RARB: variants seen among roughly 807,000 people sequenced by gnomAD.
RARB encodes retinoic acid receptor beta.
In RARB, 17 loss-of-function variants were observed where a neutral mutation model predicts 51.9. The observed-to-expected ratio is 0.33, with a 90% CI of 0.22 to 0.49. RARB has a LOEUF of 0.49. Ranked by LOEUF, RARB falls within the 20% of genes least tolerant of loss-of-function variation. The probability of loss-of-function intolerance (pLI) is 0.99; values close to 1 mark genes in which losing one functional copy is unlikely to be tolerated. For synonymous variants in RARB, 215 were observed against 195.4 expected, an observed-to-expected ratio of 1.10 and a Z score of -0.84; for missense variants, 369 against 550.8, an observed-to-expected ratio of 0.67 and a Z score of 3.30.
chr3:25,130,536 C>G (rs544470848), intron 3 of RARB, among the ~76,000 whole-genome samples: 2 of 151,740 alleles, frequency 1.3e-5, no homozygotes, highest in Non-Finnish European at 2.9e-5. Flanking sequence ...TATTTACTCT[C>G]TTTCCTTCCT....
chr3:25,510,261 G>A (rs564975263), intron 3 of RARB, among the ~76,000 whole-genome samples: 1 of 152,294 alleles, frequency 6.6e-6, no homozygotes, highest in South Asian at 2.1e-4. Context: ...AAACAATGAA[G>A]TTCTTGCACA....
chr3:24,853,889 G>A (rs1702597527), intron 1 of RARB, among the ~76,000 whole-genome samples: 1 of 152,182 alleles, frequency 6.6e-6, no homozygotes, highest in Admixed American at 6.5e-5. Context: ...ATCTTAAAGT[G>A]GACAGCTGCC....
At chr3:25,180,715 T>A (rs1393755151) in intron 5 of RARB, among the ~76,000 whole-genome samples, 1 of 152,126 alleles carries the variant, frequency 6.6e-6, no homozygotes. Context: ...CCCTCTGACA[T>A]TTGAATGAAT....
At chr3:25,066,768 T>C (rs1383839537) in intron 3 of RARB, among the ~76,000 whole-genome samples, 4 of 151,780 alleles carry the variant, frequency 2.6e-5, no homozygotes, top group African/African-American at 9.7e-5. Flanking sequence ...AAAAATAAAA[T>C]AAAAATTATC....
At chr3:25,593,354 A>G in intron 5 of RARB, 149 bp from the exon 6 acceptor site, 1 of 702,414 alleles carries the variant, frequency 1.4e-6, no homozygotes, top group Non-Finnish European at 2.3e-6. Flanking sequence ...TCTTAATGAA[A>G]GAGCTAAAGA....
intron 3 of RARB, among the ~76,000 whole-genome samples, chr3:25,566,454 G>A (rs1700500561): frequency 6.6e-6 from 1 of 152,206 alleles, no homozygotes; most frequent in South Asian, 2.1e-4. Flanking sequence ...TGCAAAGGCT[G>A]CTCCAAATTG....
intron 3 of RARB, among the ~76,000 whole-genome samples, chr3:25,115,839 G>A (rs112948652): frequency 1.8e-4 from 27 of 151,904 alleles, no homozygotes; most frequent in African/African-American, 3.6e-4. Flanking sequence ...CTATGTTGCC[G>A]AGGCTGATCT....
intron 2 of RARB, among the ~76,000 whole-genome samples, chr3:25,488,190 G>A (rs1172010352): frequency 1.3e-5 from 2 of 152,172 alleles, no homozygotes; most frequent in African/African-American, 4.8e-5. Flanking sequence ...ATGATTTACG[G>A]GGGCCCGGCT....
intron 3 of RARB, among the ~76,000 whole-genome samples, chr3:25,109,185 T>C (rs895247386): frequency 6.6e-6 from 1 of 152,234 alleles, no homozygotes; most frequent in African/African-American, 2.4e-5. Flanking sequence ...AGTTACCTCA[T>C]ATAATATTAA....
intron 3 of RARB, among the ~76,000 whole-genome samples, chr3:25,509,721 C>T (rs564953825): frequency 6.6e-6 from 1 of 152,276 alleles, no homozygotes; most frequent in East Asian, 1.9e-4. Context: ...TTAGAAAGGA[C>T]GCCTGGCCCC....
intron 2 of RARB, among the ~76,000 whole-genome samples, chr3:24,861,796 T>C (rs1702753679): frequency 6.6e-6 from 1 of 152,124 alleles, no homozygotes; most frequent in African/African-American, 2.4e-5. Context: ...GATGAAAGGA[T>C]GAGCGTGAAA....
intron 5 of RARB, among the ~76,000 whole-genome samples, chr3:25,249,407 T>G (rs1214569453): frequency 1.3e-5 from 2 of 152,278 alleles, no homozygotes; most frequent in South Asian, 4.1e-4. Flanking sequence ...ATCATTAATT[T>G]GAATTCGTTT....
In RARB at chr3:25,564,403, T is replaced by C. The variant is rs565962271; in HGVS notation, c.449-5355T>C. On this transcript the variant is annotated intron_variant, in intron 3 of 7. Transcript: ENST00000330688. Reference sequence around the variant, plus strand: ...ACATCAGGCCGGGTTCTATCAGGTGTATAAATCACATCTGTGACCCCCTGA... The same window carrying C: ...ACATCAGGCCGGGTTCTATCAGGTGCATAAATCACATCTGTGACCCCCTGA... 3.3e-5 allele frequency among the ~76,000 whole-genome samples: 5 copies of C among 152,306 alleles called. No individual in the cohort carries two copies. In the East Asian group the frequency reaches 9.6e-4, roughly 29 times the overall value.
chr3:25,411,388 C>T (rs780679726), intron 5 of RARB, among the ~76,000 whole-genome samples: 2 of 152,196 alleles, frequency 1.3e-5, no homozygotes, highest in African/African-American at 4.8e-5. Context: ...ACACTTTTCC[C>T]TCAACTCACA....
intron 3 of RARB, among the ~76,000 whole-genome samples, chr3:25,079,317 A>G (rs755366277): frequency 9.2e-5 from 14 of 152,140 alleles, no homozygotes; most frequent in African/African-American, 1.2e-4. Context: ...TTGTCTTTGA[A>G]TAAAGACAGT....
At chr3:24,912,909 T>C (rs888284182) in intron 2 of RARB, among the ~76,000 whole-genome samples, 1 of 151,184 alleles carries the variant, frequency 6.6e-6, no homozygotes, top group South Asian at 2.1e-4. Context: ...CATACAGGTA[T>C]GTTGTCTCTT....
chr3:25,564,934 C>T (rs1700429340), intron 3 of RARB, among the ~76,000 whole-genome samples: 1 of 152,182 alleles, frequency 6.6e-6, no homozygotes, highest in Non-Finnish European at 1.5e-5. Context: ...AGCCTTGGAG[C>T]TGAGCATCAG....
chr3:25,486,257 C>T lies in RARB; in HGVS notation c.307-14925C>T, dbSNP rs146426581. Reference sequence around the variant, plus strand: ...GAGTGTGTGTTCCTTTAATAAGACACGTGGAAATCTCAAATATCAGTGCTA... The same window carrying T: ...GAGTGTGTGTTCCTTTAATAAGACATGTGGAAATCTCAAATATCAGTGCTA... On this transcript the variant is annotated intron_variant, in intron 2 of 7. Coordinates refer to ENST00000330688, the MANE Select transcript of RARB (RefSeq NM_000965.5). 3.9e-4 allele frequency among the ~76,000 whole-genome samples: 59 copies of T among 152,158 alleles called. No individual in the cohort carries two copies. The East Asian group carries it at 9.5e-3, about 24-fold the overall frequency.
In RARB at chr3:25,597,871, A is replaced by ATATAC. The variant is rs1701944948; in HGVS notation, c.*1257_*1261dup. 2 of 152,664 alleles carry ATATAC rather than the reference A, an allele frequency of 1.3e-5. No individual in the cohort carries two copies. Among genetic ancestry groups the ATATAC allele is most frequent in the South Asian group, 4.1e-4 (2 of 4,838 alleles). The allele number at this position is 152,664 out of a possible 1,614,324, so 9.5% of individuals were successfully genotyped here. ...TTGTTTAACAATGCTTTCTATGTTCATATACTGTTTACCTTTTTCCATGGA... is the reference window on the plus strand; with the variant it reads ...TTGTTTAACAATGCTTTCTATGTTCATATACTATACTGTTTACCTTTTTCCATGGA... On this transcript the variant is annotated 3_prime_UTR_variant, in exon 8 of 8. Transcript: ENST00000330688.
Sources: allele counts gnomAD v4.1 joint callset (sites outside exome capture counted in the v4.1 genomes callset), GRCh38; gene constraint gnomAD v4.1.1; transcripts MANE v1.5; gene names NCBI Gene and HGNC (gene_info 2026-07-23, HGNC 2026-07-21).